The following CNTN6 variants were observed in gnomAD, a reference collection of about 807,000 sequenced individuals.
CNTN6 encodes the protein contactin 6, also known as contactin-6.
Under a neutral mutation model 122.8 loss-of-function variants are expected in CNTN6, and 137 were observed. The ratio of observed to expected loss-of-function variants is 1.12; its 90% confidence interval spans 0.97 to 1.29. CNTN6 has a LOEUF of 1.29. Ranked by LOEUF, CNTN6 falls within the 50% of genes most tolerant of loss-of-function variation. The probability of loss-of-function intolerance (pLI) is 0.00; values close to 1 mark genes in which losing one functional copy is unlikely to be tolerated. For synonymous variants in CNTN6, 570 were observed against 426.0 expected (o/e 1.34, Z -4.16); for missense variants, 1,634 against 1,223.4 (o/e 1.34, Z -5.01).
chr3:1,349,569 TA>T (rs1705303981), intron 11 of CNTN6, among the ~76,000 whole-genome samples: 1 of 151,906 alleles, frequency 6.6e-6, no homozygotes, highest in Non-Finnish European at 1.5e-5. Context: ...AACCATCAAT[TA>T]AAATGTTCCA....
intron 2 of CNTN6, among the ~76,000 whole-genome samples, chr3:1,213,470 T>A (rs925956259): frequency 1.4e-4 from 22 of 151,970 alleles, no homozygotes; most frequent in African/African-American, 4.8e-4. Flanking sequence ...CTTCATTTTT[T>A]AAAAAATCTG....
chr3:1,272,761 C>T (rs2095047397), intron 4 of CNTN6, among the ~76,000 whole-genome samples: 1 of 152,178 alleles, frequency 6.6e-6, no homozygotes, highest in Admixed American at 6.5e-5. Context: ...CTGTCAAGTG[C>T]ATCGTCTGAT....
chr3:1,398,882 C>G (rs1381124350), intron 20 of CNTN6, among the ~76,000 whole-genome samples: 1 of 152,100 alleles, frequency 6.6e-6, no homozygotes, highest in African/African-American at 2.4e-5. Flanking sequence ...CCGAATGCAA[C>G]TCTTCTCGTT....
At chr3:1,345,920 T>G (rs1704616509) in intron 11 of CNTN6, among the ~76,000 whole-genome samples, 2 of 151,910 alleles carry the variant, frequency 1.3e-5, no homozygotes, top group African/African-American at 4.8e-5. Context: ...ATAATCTAAC[T>G]ATAAAAATAG....
chr3:1,243,101 GAGTC>G (rs370680117), intron 4 of CNTN6, among the ~76,000 whole-genome samples: 370 of 151,804 alleles, frequency 2.4e-3, no homozygotes, highest in East Asian at 5.5e-3. Flanking sequence ...ATCTGGGAAG[GAGTC>G]AGTCAGAGAG....
intron 1 of CNTN6, among the ~76,000 whole-genome samples, chr3:1,144,684 C>G (rs1489996488): frequency 7.2e-6 from 1 of 138,342 alleles, no homozygotes; most frequent in Non-Finnish European, 1.6e-5. Context: ...ACAAACAGGA[C>G]TAGGCAAAAA....
chr3:1,094,377 T>G (rs947438045), intron 1 of CNTN6, among the ~76,000 whole-genome samples: 4 of 152,194 alleles, frequency 2.6e-5, no homozygotes, highest in African/African-American at 7.2e-5. Context: ...CAGAAGCATT[T>G]CATCTTTGAT....
chr3:1,347,265 C>G (rs1280558852), intron 11 of CNTN6, among the ~76,000 whole-genome samples: 1 of 152,040 alleles, frequency 6.6e-6, no homozygotes, highest in Non-Finnish European at 1.5e-5. Flanking sequence ...CCTTTAAATT[C>G]TAATTTTACA....
At chr3:1,138,464 ATTC>A (rs2092535601) in intron 1 of CNTN6, among the ~76,000 whole-genome samples, 1 of 152,074 alleles carries the variant, frequency 6.6e-6, no homozygotes, top group Non-Finnish European at 1.5e-5. Flanking sequence ...CTTAGTATAT[ATTC>A]TTATTAAATA....
chr3:1,270,163 T>G (rs915640926), intron 4 of CNTN6, among the ~76,000 whole-genome samples: 1 of 152,106 alleles, frequency 6.6e-6, no homozygotes, highest in Non-Finnish European at 1.5e-5. Flanking sequence ...CAGAAAACGA[T>G]GGTGGAAAAT....
Position 1,321,703 on chromosome 3 carries a change from A to G in CNTN6, c.815A>G (p.Lys272Arg), listed in dbSNP as rs149244761. Residue 272 changes from lysine (K) to arginine (R), a missense_variant, in exon 8 of 23, where the codon AAA becomes AGA. Coordinates refer to ENST00000446702, the MANE Select transcript of CNTN6 (RefSeq NM_001289080.2). ...TTGGACGGGAGCCCGTTGCCAGGGA[A>G]AGTCAAGTACAGCAAATCCCAAGCT... ...RRLDGSPLPG[K>R]VKYSKSQAIL... 6 of 1,611,748 alleles carry G rather than the reference A, an allele frequency of 3.7e-6. No individual in the cohort carries two copies. Among genetic ancestry groups the G allele is most frequent in the Non-Finnish European group, 5.1e-6 (6 of 1,178,558 alleles).
chr3:1,099,217 C>T (rs200218785), intron 1 of CNTN6, among the ~76,000 whole-genome samples: 45 of 151,822 alleles, frequency 3.0e-4, no homozygotes, highest in Non-Finnish European at 2.9e-4. Flanking sequence ...TTTGGGAGGC[C>T]GAGGCGGGCG....
chr3:1,316,461 C>G (rs768289528), intron 7 of CNTN6, among the ~76,000 whole-genome samples: 24 of 151,864 alleles, frequency 1.6e-4, no homozygotes, highest in Non-Finnish European at 3.2e-4. Context: ...CAATAACTCA[C>G]TCACTATCAT....
At chr3:1,311,032 A>AG (rs969126083) in intron 7 of CNTN6, among the ~76,000 whole-genome samples, 6 of 151,994 alleles carry the variant, frequency 3.9e-5, no homozygotes, top group Admixed American at 6.6e-5. Flanking sequence ...ATGAGAGCTG[A>AG]GGGCAGGCAA....
At chr3:1,253,024 A>G (rs1559618871) in intron 4 of CNTN6, among the ~76,000 whole-genome samples, 2 of 152,196 alleles carry the variant, frequency 1.3e-5, no homozygotes, top group Non-Finnish European at 2.9e-5. Context: ...CTAAGATTGT[A>G]TTTAGAGACA....
intron 2 of CNTN6, among the ~76,000 whole-genome samples, chr3:1,206,218 C>G (rs80259896): frequency 2.6e-5 from 4 of 152,168 alleles, no homozygotes; most frequent in Admixed American, 2.6e-4. Flanking sequence ...TTCACACATA[C>G]ATCCCTCTTA....
At chr3:1,184,697 A>T (rs1211094146) in intron 2 of CNTN6, among the ~76,000 whole-genome samples, 1 of 152,174 alleles carries the variant, frequency 6.6e-6, no homozygotes, top group African/African-American at 2.4e-5. Flanking sequence ...CTCAATATGG[A>T]CATCTGAAAA....
intron 17 of CNTN6, 46 bp downstream of exon 17, chr3:1,377,121 C>T: frequency 7.5e-7 from 1 of 1,327,858 alleles, no homozygotes; most frequent in Non-Finnish European, 1.1e-6. Flanking sequence ...AGAGATTTAA[C>T]TGGCCAGAAA....
intron 2 of CNTN6, among the ~76,000 whole-genome samples, chr3:1,196,011 C>G (rs1391822174): frequency 6.6e-6 from 1 of 152,030 alleles, no homozygotes. Context: ...TGTCATAAAG[C>G]AAAAAGAGAC....
Sources: gnomAD v4.1 joint callset for allele counts (sites outside exome capture counted in the v4.1 genomes callset) on GRCh38, gnomAD v4.1.1 for gene constraint, MANE v1.5 for transcripts, NCBI Gene and HGNC (gene_info 2026-07-23, HGNC 2026-07-21) for gene names.